CEMIP2: variants seen among roughly 807,000 people sequenced by gnomAD.
The protein encoded by CEMIP2 is cell surface hyaluronidase CEMIP2.
In CEMIP2, 79 loss-of-function variants were observed where a neutral mutation model predicts 146.9. That is an observed-to-expected ratio of 0.54 (90% CI 0.45 to 0.65). The LOEUF (loss-of-function observed/expected upper bound fraction) is 0.65. Ranked by LOEUF, CEMIP2 falls within the 30% of genes least tolerant of loss-of-function variation. The probability of loss-of-function intolerance (pLI) is 0.00; values close to 1 mark genes in which losing one functional copy is unlikely to be tolerated. For missense variants in CEMIP2, 1,596 were observed against 1,696.2 expected (o/e 0.94, Z 1.04); for synonymous variants, 601 against 606.3 (o/e 0.99, Z 0.13).
intron 1 of CEMIP2, among the ~76,000 whole-genome samples, chr9:71,763,060 TAAAA>T (rs771563548): frequency 7.3e-6 from 1 of 137,548 alleles, no homozygotes; most frequent in Non-Finnish European, 1.6e-5. Context: ...AACCACAACT[TAAAA>T]AAAAAAAAAA....
chr9:71,685,849 G>T lies in CEMIP2; in HGVS notation c.3852-3C>A. ...TTGTGCTCAACAGAACAATGGACCT[G>T]TATGTGAAATTTAGAAAGTCAGAGC... On this transcript the variant is annotated splice_region_variant and splice_polypyrimidine_tract_variant and intron_variant, in intron 22 of 23. Transcript: ENST00000377044. 6.2e-7 allele frequency: 1 copy of T among 1,611,170 alleles called. No homozygotes were observed. Among genetic ancestry groups the T allele is most frequent in the Non-Finnish European group, 8.5e-7 (1 of 1,177,744 alleles).
chr9:71,703,950 G>A (rs186513530), intron 18 of CEMIP2, among the ~76,000 whole-genome samples: 114 of 152,258 alleles, frequency 7.5e-4, no homozygotes, highest in Non-Finnish European at 1.2e-3. Context: ...ATCTACTTGA[G>A]TTTTTTCTAC....
intron 18 of CEMIP2, 78 bp downstream of exon 18, chr9:71,704,517 A>T (rs1822671013): frequency 6.6e-7 from 1 of 1,519,788 alleles, no homozygotes. Context: ...CTTGCTGCAA[A>T]GGAGACATAA....
At chr9:71,724,996 T>C (rs1805781178) in intron 11 of CEMIP2, among the ~76,000 whole-genome samples, 1 of 148,428 alleles carries the variant, frequency 6.7e-6, no homozygotes, top group South Asian at 2.1e-4. Flanking sequence ...ATGTAATTAT[T>C]CAGGTTACAC....
At chr9:71,687,462 C>CTCTGTGTGTGTGTG (rs148162501) in intron 22 of CEMIP2, 22 of 141,326 alleles carry the variant, frequency 1.6e-4, no homozygotes, top group African/African-American at 6.1e-4. Flanking sequence ...TATTTATTTT[C>CTCTGTGTGTGTGTG]TGTGTGTGTG....
chr9:71,724,199 G>A (rs1429312522), intron 11 of CEMIP2, among the ~76,000 whole-genome samples: 1 of 152,014 alleles, frequency 6.6e-6, no homozygotes, highest in Non-Finnish European at 1.5e-5. Flanking sequence ...GGAGGCTGAG[G>A]CAGAGAATTG....
rs1824197040 is a variant in CEMIP2, at chr9:71,749,994, C to T, written c.331+49G>A. Reference sequence around the variant, plus strand: ...TTTTTTAAGTATTCTACTATTTCCTCCTCTTTTGTCTTCTAGAATATGTTC... The same window carrying T: ...TTTTTTAAGTATTCTACTATTTCCTTCTCTTTTGTCTTCTAGAATATGTTC... On this transcript the variant is annotated intron_variant, in intron 2 of 23. Coordinates refer to ENST00000377044, the MANE Select transcript of CEMIP2 (RefSeq NM_013390.3). 5 of 1,494,098 alleles carry T rather than the reference C, an allele frequency of 3.3e-6. No homozygotes were observed. In the South Asian group the frequency reaches 6.9e-5, roughly 20 times the overall value. 92.6% of individuals were successfully genotyped at this position (1,494,098 alleles called of 1,614,324 possible).
chr9:71,683,613 A>G lies in CEMIP2; in HGVS notation c.*1584T>C, dbSNP rs1439450259. ...TTTAATAGGTAAGATCTCATTCATC[A>G]ATATACAAAAAAAAAAAACAAACCA... On this transcript the variant is annotated 3_prime_UTR_variant, in exon 24 of 24. Coordinates refer to ENST00000377044, the MANE Select transcript of CEMIP2 (RefSeq NM_013390.3). 1 of 79,318 alleles carries G rather than the reference A, an allele frequency of 1.3e-5. No homozygotes were observed. Among genetic ancestry groups the G allele is most frequent in the Non-Finnish European group, 2.6e-5 (1 of 38,238 alleles). The allele number at this position is 79,318 out of a possible 1,614,324, so 4.9% of individuals were successfully genotyped here.
chr9:71,699,482 A>G (rs1216236001), intron 19 of CEMIP2: 2 of 419,116 alleles, frequency 4.8e-6, no homozygotes, highest in South Asian at 1.8e-5. Flanking sequence ...AAGAAAGAAA[A>G]AGAAAGAAAA....
chr9:71,728,203 C>CTCTCTCTCTCTCTCTCTCTCTCTCTA (rs1455681044), intron 10 of CEMIP2, among the ~76,000 whole-genome samples: 5 of 24,186 alleles, frequency 2.1e-4, no homozygotes, highest in African/African-American at 4.8e-4. Context: ...TTCTCTCTCT[C>CTCTCTCTCTCTCTCTCTCTCTCTCTA]TCTCTCTCTC....
rs184652633 is a variant in CEMIP2 at position 71,693,762 on chromosome 9, A to G, written c.3696+747T>C. 2.2e-3 allele frequency among the ~76,000 whole-genome samples: 340 copies of G among 152,376 alleles called. 2 individuals carry two copies. Among genetic ancestry groups the G allele is most frequent in the Middle Eastern group, 0.017 (5 of 294 alleles). ...AATTCATGTCACCAAGATAGAAGAT[A>G]AAAGCAAGAAGCTGTGACGGTGTAC... is the stretch of plus-strand genomic sequence containing the variant. On this transcript the variant is annotated intron_variant, in intron 21 of 23. Coordinates refer to ENST00000377044, the MANE Select transcript of CEMIP2 (RefSeq NM_013390.3).
At chr9:71,765,300 CT>C (rs557822756) in intron 1 of CEMIP2, among the ~76,000 whole-genome samples, 236 of 152,300 alleles carry the variant, frequency 1.5e-3, no homozygotes, top group Middle Eastern at 3.4e-3. Flanking sequence ...CTTTAAAAAA[CT>C]TTTGAAAGTA....
At chr9:71,720,636 A>G (rs776230988) in intron 12 of CEMIP2, among the ~76,000 whole-genome samples, 3 of 152,182 alleles carry the variant, frequency 2.0e-5, no homozygotes, top group Non-Finnish European at 2.9e-5. Flanking sequence ...AACAGATTAA[A>G]TATCTTCTGG....
At chr9:71,705,431 T>A (rs1043663846) in intron 17 of CEMIP2, among the ~76,000 whole-genome samples, 1 of 152,290 alleles carries the variant, frequency 6.6e-6, no homozygotes, top group East Asian at 1.9e-4. Flanking sequence ...AAATGTATCC[T>A]ACAAAGGAAA....
intron 12 of CEMIP2, 101 bp downstream of exon 12, chr9:71,722,326 T>C: frequency 1.1e-6 from 1 of 903,054 alleles, no homozygotes. Context: ...TAAAACTTTA[T>C]TTTAAATGTA....
Position 71,725,784 on chromosome 9 carries a change from T to C in CEMIP2, c.2050-75A>G, listed in dbSNP as rs62547009. ...TATGAAACACTCTCATAAACTAACT[T>C]CTTCATCAGCAAGTTTAATCTTTTT... On this transcript the variant is annotated intron_variant, in intron 10 of 23. Coordinates refer to ENST00000377044, the MANE Select transcript of CEMIP2 (RefSeq NM_013390.3). 1.3e-4 allele frequency: 186 copies of C among 1,463,032 alleles called. 1 individual carries two copies. The highest frequency in any genetic ancestry group is 1.6e-4 in the Non-Finnish European group (174 of 1,097,812). 90.6% of individuals were successfully genotyped at this position (1,463,032 alleles called of 1,614,324 possible).
In CEMIP2 at chr9:71,725,618, C is replaced by T; in HGVS notation, c.2141G>A (p.Gly714Asp). ...ATGGACCCTGTTGTTATAAAATATA[C>T]CCAATGGAGTGAGTTCTGGTTTTGC... ...LLAKPELTPL[G>D]IFYNNRVHSN... The change falls in exon 11 of 24, where the codon GGT becomes GAT. Residue 714 changes from glycine (G) to aspartate (D), a missense_variant. Gly to Asp is a moderately conservative substitution (Grantham distance 94). Transcript: ENST00000377044. 6.2e-7 allele frequency: 1 copy of T among 1,613,846 alleles called. No homozygotes were observed. The highest frequency in any genetic ancestry group is 8.5e-7 in the Non-Finnish European group (1 of 1,179,846).
chr9:71,748,528 C>T (rs1420074845), intron 2 of CEMIP2, among the ~76,000 whole-genome samples: 1 of 152,158 alleles, frequency 6.6e-6, no homozygotes, highest in Non-Finnish European at 1.5e-5. Context: ...ATGAAAACAC[C>T]AATCAAAGCC....
At chr9:71,715,121 T>G in intron 14 of CEMIP2, 32 bp from the exon 15 acceptor site, 1 of 1,604,734 alleles carries the variant, frequency 6.2e-7, no homozygotes, top group Non-Finnish European at 8.5e-7. Context: ...TTAGCTACAT[T>G]TCTCCAGAAA....
Sources: allele counts gnomAD v4.1 joint callset (sites outside exome capture counted in the v4.1 genomes callset), GRCh38; gene constraint gnomAD v4.1.1; transcripts MANE v1.5; gene names NCBI Gene and HGNC (gene_info 2026-07-23, HGNC 2026-07-21).